FAM120A: variants seen among roughly 807,000 people sequenced by gnomAD.
FAM120A encodes family with sequence similarity 120 member A.
FAM120A carries 15 observed loss-of-function variants against 109.7 expected under a neutral mutation model. The observed-to-expected ratio is 0.14, with a 90% CI of 0.09 to 0.21. The LOEUF is 0.21. FAM120A is among the 10% of genes least tolerant of loss of function. The pLI is 1.00. For missense variants in FAM120A, 899 were observed against 1,439.3 expected, an observed-to-expected ratio of 0.62 and a Z score of 6.07; for synonymous variants, 493 against 572.8, an observed-to-expected ratio of 0.86 and a Z score of 1.99.
chr9:93,497,253 T>C (rs1026567537), intron 3 of FAM120A, among the ~76,000 whole-genome samples: 3 of 152,190 alleles, frequency 2.0e-5, no homozygotes, highest in Non-Finnish European at 4.4e-5. Flanking sequence ...AGCAGCTGAG[T>C]TGTATTTCAT....
intron 3 of FAM120A, among the ~76,000 whole-genome samples, chr9:93,485,642 A>G (rs546397993): frequency 6.6e-6 from 1 of 152,244 alleles, no homozygotes; most frequent in Non-Finnish European, 1.5e-5. Context: ...CAGCAGTCCC[A>G]GCTATGTCCA....
At chr9:93,542,204 A>T (rs573564902) in intron 10 of FAM120A, among the ~76,000 whole-genome samples, 1 of 152,230 alleles carries the variant, frequency 6.6e-6, no homozygotes, top group South Asian at 2.1e-4. Context: ...TCAGCCAGGG[A>T]CGGTGCCTTT....
intron 5 of FAM120A, among the ~76,000 whole-genome samples, chr9:93,512,026 A>G (rs1860343901): frequency 6.6e-6 from 1 of 152,198 alleles, no homozygotes; most frequent in Non-Finnish European, 1.5e-5. Context: ...TCCTGACCTC[A>G]AGTGATTCGC....
Position 93,526,949 on chromosome 9 carries a change from G to A in FAM120A, c.1419-206G>A, listed in dbSNP as rs57391036. Among the ~76,000 whole-genome samples the A allele has an allele frequency of 0.053, 8,020 of 152,238 alleles. 535 individuals are homozygous for A. Among genetic ancestry groups the A allele is most frequent in the African/African-American group, 0.16 (6,527 of 41,504 alleles). ...GGTGACTCCTCTAAGTTAGGTGTTC[G>A]ATAGTTTCTTTTCCATAGTATGTGG... On this transcript the variant is annotated intron_variant, in intron 7 of 17. Transcript: ENST00000277165.
intron 1 of FAM120A, among the ~76,000 whole-genome samples, chr9:93,463,420 AAG>A (rs1487046567): frequency 2.6e-5 from 4 of 152,234 alleles, no homozygotes; most frequent in African/African-American, 9.6e-5. Context: ...AGCTTACCTG[AAG>A]AGAGAGATTT....
intron 12 of FAM120A, among the ~76,000 whole-genome samples, chr9:93,555,576 C>G (rs923578833): frequency 2.6e-5 from 4 of 152,212 alleles, no homozygotes; most frequent in African/African-American, 9.7e-5. Flanking sequence ...CCTGGATAAT[C>G]CACAAACTAG....
chr9:93,523,156 T>C (rs1458627124), intron 7 of FAM120A: 7 of 359,064 alleles, frequency 1.9e-5, no homozygotes, highest in Non-Finnish European at 3.6e-5. Flanking sequence ...CTGATGTGGT[T>C]TTTAATGTAA....
chr9:93,511,070 C>G (rs1022252766), intron 5 of FAM120A, among the ~76,000 whole-genome samples: 1 of 151,498 alleles, frequency 6.6e-6, no homozygotes, highest in East Asian at 1.9e-4. Context: ...TTGAACTGCT[C>G]TCATTCTTAG....
chr9:93,497,644 A>G (rs1272819799), intron 4 of FAM120A, 45 bp downstream of exon 4: 2 of 1,573,250 alleles, frequency 1.3e-6, no homozygotes, highest in Non-Finnish European at 1.7e-6. Flanking sequence ...TTCATGGGAT[A>G]TGACGTTGCA....
intron 5 of FAM120A, among the ~76,000 whole-genome samples, chr9:93,508,700 C>T (rs1363207548): frequency 6.6e-6 from 1 of 152,204 alleles, no homozygotes; most frequent in Non-Finnish European, 1.5e-5. Flanking sequence ...TCACTCCATC[C>T]TGACTGAGAG....
intron 14 of FAM120A, 45 bp downstream of exon 14, chr9:93,558,055 T>G (rs556700725): frequency 6.6e-7 from 1 of 1,508,408 alleles, no homozygotes; most frequent in Admixed American, 2.1e-5. Flanking sequence ...GATGCCAGAT[T>G]CCTGTAAAGA....
Position 93,550,694 on chromosome 9 carries a change from A to T in FAM120A, c.2274+3A>T. The T allele has an allele frequency of 6.2e-7, 1 of 1,610,762 alleles. No individual in the cohort carries two copies. Among genetic ancestry groups the T allele is most frequent in the Non-Finnish European group, 8.5e-7 (1 of 1,177,492 alleles). ...CTGATCAGCTCCAGGAGCTCAAGGT[A>T]ATTTATCAGCCTCATTGCATTGTCT... On this transcript the variant is annotated splice_donor_region_variant and intron_variant, in intron 12 of 17. Transcript: ENST00000277165.
At position 93,479,357 on chromosome 9, in the gene FAM120A, C is replaced by G. The variant is rs368439338; in HGVS notation, c.804+3019C>G. Among the ~76,000 whole-genome samples, 19 of 152,184 alleles carry G rather than the reference C, an allele frequency of 1.2e-4. No homozygotes were observed. The East Asian group carries it at 3.5e-3, about 28-fold the overall frequency. ...TCGTGATCCGCCCGCCTCGGCCTCC[C>G]AAAGTAGGGTATTGCATTTTAAGAG... On this transcript the variant is annotated intron_variant, in intron 3 of 17. Coordinates refer to ENST00000277165, the MANE Select transcript of FAM120A (RefSeq NM_014612.5).
At chr9:93,484,038 C>CT (rs202025202) in intron 3 of FAM120A, among the ~76,000 whole-genome samples, 4,854 of 144,368 alleles carry the variant, frequency 0.034, 118 homozygotes, top group African/African-American at 0.059. Flanking sequence ...CTGTGTCTCT[C>CT]TTTTTTTTTT....
chr9:93,504,578 C>T (rs1460987182), intron 5 of FAM120A, among the ~76,000 whole-genome samples: 1 of 152,156 alleles, frequency 6.6e-6, no homozygotes, highest in Non-Finnish European at 1.5e-5. Flanking sequence ...GCATGTACTC[C>T]TCTGACTTGC....
intron 1 of FAM120A, chr9:93,453,251 G>A: frequency 1.0e-5 from 10 of 993,570 alleles, no homozygotes; most frequent in Non-Finnish European, 1.2e-5. Flanking sequence ...TGACGGGTGG[G>A]TAATCAGAGC....
intron 1 of FAM120A, among the ~76,000 whole-genome samples, chr9:93,460,123 A>G (rs1202956689): frequency 6.6e-6 from 1 of 152,208 alleles, no homozygotes; most frequent in Non-Finnish European, 1.5e-5. Flanking sequence ...ATTAACACAT[A>G]TTACACATTC....
At chr9:93,545,190 G>T (rs1861836363) in intron 11 of FAM120A, among the ~76,000 whole-genome samples, 1 of 152,152 alleles carries the variant, frequency 6.6e-6, no homozygotes, top group African/African-American at 2.4e-5. Context: ...TCCAAGTGGG[G>T]GATGGCATTT....
chr9:93,461,424 A>C (rs1026498583), intron 1 of FAM120A, among the ~76,000 whole-genome samples: 2 of 152,214 alleles, frequency 1.3e-5, no homozygotes, highest in African/African-American at 4.8e-5. Context: ...TGCAAGTGTT[A>C]CTATCTTGAA....
Sources: allele counts gnomAD v4.1 joint callset (sites outside exome capture counted in the v4.1 genomes callset), GRCh38; gene constraint gnomAD v4.1.1; transcripts MANE v1.5; gene names NCBI Gene and HGNC (gene_info 2026-07-23, HGNC 2026-07-21).